The following TMEM165 variants were observed in gnomAD, a reference collection of about 807,000 sequenced individuals.
TMEM165 encodes the protein transmembrane protein 165, also known as putative divalent cation/proton antiporter TMEM165.
In TMEM165, 19 loss-of-function variants were observed where a neutral mutation model predicts 30.0. The observed-to-expected ratio is 0.63, with a 90% confidence interval of 0.44 to 0.93. TMEM165 has a LOEUF of 0.93. Among genes scored for constraint, TMEM165 ranks in the 40% least tolerant of loss-of-function variants. The pLI, the probability that TMEM165 is intolerant of heterozygous loss-of-function variation, is 0.00. For missense variants in TMEM165, 340 were observed against 417.0 expected (o/e 0.82, Z 1.61); for synonymous variants, 168 against 162.9 (o/e 1.03, Z -0.24).
chr4:55,396,530 G>A, intron 1 of TMEM165, 134 bp downstream of exon 1: 1 of 729,428 alleles, frequency 1.4e-6, no homozygotes, highest in East Asian at 3.4e-5. Context: ...TCCCGGGGTG[G>A]AGGGCGGTCG....
chr4:55,425,392 C>T lies in TMEM165; in HGVS notation c.915C>T (p.Gly305=). The T allele has an allele frequency of 6.2e-7, 1 of 1,613,824 alleles. No individual in the cohort carries two copies. The highest frequency in any genetic ancestry group is 8.5e-7 in the Non-Finnish European group (1 of 1,179,834). ...CTCTTCCAGTGACAATCATAGGAGG[C>T]ATCGTTTTTTTGGCGTTTGCATTTT... ...ISVRTVTIIG[G]IVFLAFAFSA... is the part of the protein sequence containing the mutation. Residue 305 remains glycine, a synonymous_variant, in exon 6 of 6, where the codon GGC becomes GGT. Transcript: ENST00000381334.
intron 1 of TMEM165, among the ~76,000 whole-genome samples, chr4:55,402,663 G>T (rs1220917491): frequency 6.9e-6 from 1 of 145,370 alleles, no homozygotes; most frequent in Non-Finnish European, 1.5e-5. Flanking sequence ...GGCCAGGCTG[G>T]TCTCAAGCTC....
chr4:55,412,034 T>TG (rs1018171807), intron 2 of TMEM165, 195 bp downstream of exon 2: 18 of 630,122 alleles, frequency 2.9e-5, no homozygotes, highest in African/African-American at 1.8e-4. Context: ...CTCGCATAGT[T>TG]GTCTGAAATT....
chr4:55,412,643 C>T (rs1410417389), intron 2 of TMEM165: 1 of 151,854 alleles, frequency 6.6e-6, no homozygotes, highest in Non-Finnish European at 1.5e-5. Flanking sequence ...CAAAGCTGGT[C>T]CAAGTGCAAT....
intron 1 of TMEM165, among the ~76,000 whole-genome samples, chr4:55,408,191 C>T (rs1721350008): frequency 6.6e-6 from 1 of 152,140 alleles, no homozygotes; most frequent in South Asian, 2.1e-4. Context: ...GTTCTTGTCA[C>T]CATGATTGGT....
At chr4:55,434,575 T>C (rs1435946381) in intron 3 of TMEM165, 1 of 144,472 alleles carries the variant, frequency 6.9e-6, no homozygotes, top group African/African-American at 2.5e-5. Flanking sequence ...AATCCTGTTG[T>C]ATCAATAATT....
intron 3 of TMEM165, chr4:55,449,320 G>T: frequency 7.6e-7 from 1 of 1,312,968 alleles, no homozygotes; most frequent in Non-Finnish European, 1.1e-6. Flanking sequence ...ACAAATAGAT[G>T]AATTTCTGAA....
Position 55,424,576 on chromosome 4 carries a change from C to G in TMEM165, c.831C>G (p.His277Gln). ...YGVAVGGTVG[H>Q]CLCTGLAVIG... ...TAGCCGTGGGTGGAACTGTGGGGCA[C>G]TGCCTGTGCACGGGATTGGCAGTAA... The change falls in exon 5 of 6, where the codon CAC (histidine) becomes CAG (glutamine). Residue 277 changes from histidine (H) to glutamine (Q), a missense_variant. By Grantham distance (24) the His-to-Gln change is conservative (BLOSUM62 0). Around this residue, in one of 2 missense-constraint regions of TMEM165, gnomAD observed 220 missense variants for 307.6 expected, o/e 0.72. Coordinates refer to ENST00000381334, the MANE Select transcript of TMEM165 (RefSeq NM_018475.5). 1 of 1,613,958 alleles carries G rather than the reference C, an allele frequency of 6.2e-7. No individual in the cohort carries two copies. Among genetic ancestry groups the G allele is most frequent in the Non-Finnish European group, 8.5e-7 (1 of 1,179,852 alleles).
downstream of TMEM165, among the ~76,000 whole-genome samples, chr4:55,427,017 G>A (rs1034373563): frequency 6.7e-6 from 1 of 148,636 alleles, no homozygotes; most frequent in Non-Finnish European, 1.5e-5. Flanking sequence ...TAAAGAAAGA[G>A]TGAGGAATTC....
chr4:55,398,894 AC>A (rs1426473125), intron 1 of TMEM165: 3 of 147,264 alleles, frequency 2.0e-5, no homozygotes, highest in African/African-American at 7.4e-5. Flanking sequence ...AAAAACAACA[AC>A]CCGATTTTTA....
At chr4:55,435,597 A>G in intron 3 of TMEM165, 1 of 1,613,728 alleles carries the variant, frequency 6.2e-7, no homozygotes, top group Non-Finnish European at 8.5e-7. Context: ...CTAGAAGTCT[A>G]AAAAACAAAT....
chr4:55,450,275 T>G, intron 3 of TMEM165: 1 of 1,611,804 alleles, frequency 6.2e-7, no homozygotes. Context: ...GTGGTTCAGT[T>G]CAGAGATCTC....
intron 1 of TMEM165, among the ~76,000 whole-genome samples, chr4:55,406,115 T>C (rs1444387904): frequency 1.3e-5 from 2 of 152,200 alleles, no homozygotes; most frequent in Non-Finnish European, 2.9e-5. Flanking sequence ...CCAGCTTCCA[T>C]ATTGGTAGCC....
Position 55,449,346 on chromosome 4 carries a change from T to C in TMEM165, c.409-2893T>C, listed in dbSNP as rs760431512. On this transcript the variant is annotated intron_variant, in intron 3 of 3. Coordinates refer to the TMEM165 transcript ENST00000608091. ...AATTTCTGAAGATTTAGATCATTTT[T>C]CCCCTCTTAATAAATCTTTATTCAG... The C allele has an allele frequency of 4.8e-6, 7 of 1,465,392 alleles. No homozygotes were observed. The Admixed American group carries it at 8.4e-5, about 18-fold the overall frequency. 90.8% of individuals were successfully genotyped at this position (1,465,392 alleles called of 1,614,324 possible).
intron 3 of TMEM165, chr4:55,448,668 G>T: frequency 4.1e-5 from 24 of 581,906 alleles, no homozygotes; most frequent in Middle Eastern, 3.3e-4. Context: ...CTCCCAAGTA[G>T]CTGTGGCTAC....
Position 55,426,064 on chromosome 4 carries a change from A to G in TMEM165, c.*612A>G, listed in dbSNP as rs1260537866. On this transcript the variant is annotated 3_prime_UTR_variant, in exon 6 of 6. Coordinates refer to ENST00000381334, the MANE Select transcript of TMEM165 (RefSeq NM_018475.5). Reference sequence around the variant, plus strand: ...ATATAAAAACAGTCAATATTTGACAATGTGGAATTACCAAATTAAAAGAGA... The same window carrying G: ...ATATAAAAACAGTCAATATTTGACAGTGTGGAATTACCAAATTAAAAGAGA... 6.6e-6 allele frequency: 1 copy of G among 152,124 alleles called. No homozygotes were observed. The highest frequency in any genetic ancestry group is 2.4e-5 in the African/African-American group (1 of 41,438). 9.4% of individuals were successfully genotyped at this position (152,124 alleles called of 1,614,324 possible). A position where few individuals can be genotyped will look rare whatever the true frequency, so the allele number is the denominator to read the frequency against.
intron 3 of TMEM165, chr4:55,435,588 T>A (rs1436224617): frequency 1.2e-6 from 2 of 1,613,704 alleles, no homozygotes; most frequent in Non-Finnish European, 1.7e-6. Context: ...TGGAGCAACC[T>A]AGAAGTCTAA....
At chr4:55,433,198 C>A (rs914723438) in intron 3 of TMEM165, 1 of 152,618 alleles carries the variant, frequency 6.6e-6, no homozygotes, top group Non-Finnish European at 1.5e-5. Flanking sequence ...TGTACATATG[C>A]TCAGGTACAT....
chr4:55,416,375 C>T (rs1721721393), intron 2 of TMEM165, among the ~76,000 whole-genome samples: 1 of 152,122 alleles, frequency 6.6e-6, no homozygotes, highest in Non-Finnish European at 1.5e-5. Context: ...TACTGATATA[C>T]TTGTGTTTCA....
Sources: allele counts gnomAD v4.1 joint callset (sites outside exome capture counted in the v4.1 genomes callset), GRCh38; gene constraint gnomAD v4.1.1; regional missense constraint gnomAD v4.1.1; transcripts MANE v1.5; gene names NCBI Gene and HGNC (gene_info 2026-07-23, HGNC 2026-07-21).